NEGR1: variants seen among roughly 807,000 people sequenced by gnomAD.
NEGR1 encodes the protein IgLON family member 4.
Under a neutral mutation model 40.9 loss-of-function variants are expected in NEGR1, and 10 were observed. The observed-to-expected ratio is 0.24, with a 90% CI of 0.15 to 0.42. The LOEUF (loss-of-function observed/expected upper bound fraction) is 0.42. Ranked by LOEUF, NEGR1 falls within the 10% of genes least tolerant of loss-of-function variation. The pLI is 1.00. For synonymous variants in NEGR1, 185 were observed against 166.8 expected (o/e 1.11, Z -0.84); for missense variants, 352 against 438.9 (o/e 0.80, Z 1.77).
chr1:71,641,998 G>A lies in NEGR1; in HGVS notation c.668-30852C>T, dbSNP rs530709786. On this transcript the variant is annotated intron_variant, in intron 4 of 6. Coordinates refer to ENST00000357731, the MANE Select transcript of NEGR1 (RefSeq NM_173808.3). ...CTTGGGGCCTTAGGAAGTACGGTGA[G>A]TTAGTGCATTTACCTGATAGCTCTG... is the stretch of plus-strand genomic sequence containing the variant. Among the ~76,000 whole-genome samples the A allele has an allele frequency of 5.3e-5, 8 of 152,076 alleles. No individual in the cohort carries two copies. In the South Asian group the frequency reaches 1.7e-3, roughly 31 times the overall value.
intron 2 of NEGR1, among the ~76,000 whole-genome samples, chr1:71,821,067 C>G (rs1658411721): frequency 6.6e-6 from 1 of 151,936 alleles, no homozygotes; most frequent in Non-Finnish European, 1.5e-5. Context: ...TTTTCTATCT[C>G]AGTCAGAAAA....
intron 2 of NEGR1, among the ~76,000 whole-genome samples, chr1:71,872,208 C>T (rs1660299084): frequency 6.6e-6 from 1 of 152,110 alleles, no homozygotes; most frequent in Non-Finnish European, 1.5e-5. Context: ...GTGTTACATG[C>T]AGGAAGACAA....
chr1:71,942,483 A>T (rs28668112), intron 1 of NEGR1, among the ~76,000 whole-genome samples: 77 of 18,606 alleles, frequency 4.1e-3, no homozygotes, highest in East Asian at 7.3e-3. Flanking sequence ...ATATATATAT[A>T]TTTTTTTTTT....
At chr1:72,200,717 A>G (rs1384923159) in intron 1 of NEGR1, among the ~76,000 whole-genome samples, 1 of 151,988 alleles carries the variant, frequency 6.6e-6, no homozygotes, top group Non-Finnish European at 1.5e-5. Flanking sequence ...TGGAATTTTA[A>G]TAAGCAATAG....
intron 4 of NEGR1, among the ~76,000 whole-genome samples, chr1:71,696,012 T>C (rs776529517): frequency 3.3e-5 from 5 of 151,794 alleles, no homozygotes; most frequent in Non-Finnish European, 5.9e-5. Flanking sequence ...AAGGAACTGA[T>C]GCAAGAAAAT....
chr1:71,776,711 C>T (rs1656524385), intron 2 of NEGR1, among the ~76,000 whole-genome samples: 1 of 152,042 alleles, frequency 6.6e-6, no homozygotes, highest in African/African-American at 2.4e-5. Flanking sequence ...ATGGTTATTC[C>T]TACATACTGA....
At chr1:71,749,404 A>T (rs1249557135) in intron 3 of NEGR1, among the ~76,000 whole-genome samples, 1 of 152,262 alleles carries the variant, frequency 6.6e-6, no homozygotes, top group Non-Finnish European at 1.5e-5. Flanking sequence ...TAAAATGAAC[A>T]TAATAATATC....
At position 71,639,964 on chromosome 1, in the gene NEGR1, G is replaced by C. The variant is rs115423855; in HGVS notation, c.668-28818C>G. Among the ~76,000 whole-genome samples the C allele has an allele frequency of 4.1e-3, 624 of 152,088 alleles. 6 individuals carry two copies. Among genetic ancestry groups the C allele is most frequent in the African/African-American group, 0.014 (595 of 41,502 alleles). On this transcript the variant is annotated intron_variant, in intron 4 of 6. Transcript: ENST00000357731. The stretch of plus-strand genomic sequence containing the variant: ...ATACTTTTTGCAAACAAATATCCAT[G>C]GATCGAAGCAGAACTGCTCTGCTTC...
At chr1:71,598,471 C>A (rs1011664222) in intron 5 of NEGR1, among the ~76,000 whole-genome samples, 9 of 152,216 alleles carry the variant, frequency 5.9e-5, no homozygotes, top group African/African-American at 1.9e-4. Flanking sequence ...TCTTTCAGTG[C>A]AGGCTTTTAG....
intron 1 of NEGR1, among the ~76,000 whole-genome samples, chr1:72,090,213 C>CA (rs1648412996): frequency 6.6e-6 from 1 of 151,972 alleles, no homozygotes; most frequent in South Asian, 2.1e-4. Context: ...GTCATTTAGG[C>CA]ATATTATAAT....
intron 4 of NEGR1, among the ~76,000 whole-genome samples, chr1:71,631,581 T>A (rs1650971034): frequency 6.6e-6 from 1 of 151,864 alleles, no homozygotes; most frequent in African/African-American, 2.4e-5. Context: ...CCTTGAAATT[T>A]AGTATAAGGC....
chr1:71,792,740 T>C (rs1279419060), intron 2 of NEGR1, among the ~76,000 whole-genome samples: 1 of 152,188 alleles, frequency 6.6e-6, no homozygotes, highest in Non-Finnish European at 1.5e-5. Flanking sequence ...TCCATCAGGC[T>C]GGAAGCTGTA....
intron 1 of NEGR1, among the ~76,000 whole-genome samples, chr1:72,051,010 C>G (rs1647055005): frequency 6.6e-6 from 1 of 151,456 alleles, no homozygotes. Flanking sequence ...CCTATTCCCC[C>G]AATAAGCTAA....
chr1:72,104,811 T>C (rs572639631), intron 1 of NEGR1, among the ~76,000 whole-genome samples: 2 of 152,266 alleles, frequency 1.3e-5, no homozygotes, highest in East Asian at 1.9e-4. Context: ...TATTAAATTT[T>C]CTAATTATAA....
chr1:71,796,132 T>C (rs558256538), intron 2 of NEGR1, among the ~76,000 whole-genome samples: 3 of 152,180 alleles, frequency 2.0e-5, no homozygotes, highest in Non-Finnish European at 4.4e-5. Flanking sequence ...ACCTGAATTC[T>C]CATCCAATCT....
At chr1:71,864,288 C>T (rs1488025558) in intron 2 of NEGR1, among the ~76,000 whole-genome samples, 3 of 152,130 alleles carry the variant, frequency 2.0e-5, no homozygotes, top group African/African-American at 7.2e-5. Flanking sequence ...TTCTTGGTCA[C>T]TGATGAACCC....
At chr1:72,098,488 T>C (rs948447620) in intron 1 of NEGR1, among the ~76,000 whole-genome samples, 2 of 152,072 alleles carry the variant, frequency 1.3e-5, no homozygotes, top group Non-Finnish European at 2.9e-5. Flanking sequence ...ATAAAACACA[T>C]TGCTTATCAA....
At chr1:71,935,336 C>T (rs1350100586) in intron 1 of NEGR1, 25 bp from the exon 2 acceptor site, 3 of 1,440,052 alleles carry the variant, frequency 2.1e-6, no homozygotes, top group African/African-American at 2.8e-5. Context: ...AGATACAACA[C>T]TATTAATCAA....
At chr1:71,847,029 G>T (rs1283644060) in intron 2 of NEGR1, among the ~76,000 whole-genome samples, 1 of 152,078 alleles carries the variant, frequency 6.6e-6, no homozygotes, top group African/African-American at 2.4e-5. Flanking sequence ...TCTCCAAAAT[G>T]AATTCTTCTC....
Sources: gnomAD v4.1 joint callset for allele counts (sites outside exome capture counted in the v4.1 genomes callset) on GRCh38, gnomAD v4.1.1 for gene constraint, MANE v1.5 for transcripts, NCBI Gene and HGNC (gene_info 2026-07-23, HGNC 2026-07-21) for gene names.